MAPK9: variants seen among roughly 807,000 people sequenced by gnomAD.
The protein encoded by MAPK9 is Jun kinase.
A neutral mutation model predicts 57.1 loss-of-function variants in MAPK9; 30 were observed. The ratio of observed to expected loss-of-function variants is 0.53; its 90% CI spans 0.39 to 0.71. The LOEUF is 0.71. MAPK9 is among the 30% of genes least tolerant of loss of function. The pLI is 0.00. For synonymous variants in MAPK9, 155 were observed against 177.0 expected, an observed-to-expected ratio of 0.88 and a Z score of 0.99; for missense variants, 362 against 521.0, an observed-to-expected ratio of 0.69 and a Z score of 2.97.
At chr5:180,265,019 A>C (rs572996727) in intron 3 of MAPK9, among the ~76,000 whole-genome samples, 180 bp from the exon 4 acceptor site, 1 of 152,364 alleles carries the variant, frequency 6.6e-6, no homozygotes, top group South Asian at 2.1e-4. Flanking sequence ...ATTAAAGGAA[A>C]GATGCACTTT....
intron 2 of MAPK9, among the ~76,000 whole-genome samples, chr5:180,278,957 CTTTT>C (rs751873959): frequency 7.2e-6 from 1 of 139,854 alleles, no homozygotes. Context: ...AACTTTAAAA[CTTTT>C]TTTTTTTTTT....
chr5:180,266,475 C>A (rs1453287809), intron 3 of MAPK9, among the ~76,000 whole-genome samples: 1 of 151,970 alleles, frequency 6.6e-6, no homozygotes, highest in African/African-American at 2.4e-5. Flanking sequence ...CCACTACGCC[C>A]AGCTAATTTT....
intron 11 of MAPK9, chr5:180,237,598 AG>A (rs765553203): frequency 2.0e-5 from 3 of 152,246 alleles, no homozygotes; most frequent in Non-Finnish European, 4.4e-5. Flanking sequence ...ACCAGTACAA[AG>A]GGTTATCAAC....
At chr5:180,248,683 C>T (rs908820012) in intron 6 of MAPK9, among the ~76,000 whole-genome samples, 2 of 152,188 alleles carry the variant, frequency 1.3e-5, no homozygotes, top group Non-Finnish European at 2.9e-5. Context: ...TGGGTGTGCT[C>T]ACCTCAGCTG....
intron 5 of MAPK9, among the ~76,000 whole-genome samples, chr5:180,251,161 G>A (rs937644448): frequency 2.0e-5 from 3 of 152,096 alleles, no homozygotes; most frequent in East Asian, 1.9e-4. Flanking sequence ...AGAAACAGGC[G>A]CTTCCTCAGG....
At chr5:180,289,704 T>A (rs1763064762) in intron 1 of MAPK9, among the ~76,000 whole-genome samples, 2 of 152,018 alleles carry the variant, frequency 1.3e-5, no homozygotes, top group South Asian at 4.2e-4. Flanking sequence ...CCTTTCCTGC[T>A]CTCCTCACAG....
At chr5:180,286,336 G>C (rs1346718918) in intron 1 of MAPK9, among the ~76,000 whole-genome samples, 2 of 150,112 alleles carry the variant, frequency 1.3e-5, no homozygotes, top group Non-Finnish European at 3.0e-5. Context: ...AGTAGAGATG[G>C]GGTTTCACTG....
intron 2 of MAPK9, chr5:180,279,717 T>G: frequency 1.3e-5 from 5 of 378,568 alleles, no homozygotes; most frequent in African/African-American, 2.1e-5. Context: ...AAAAAAAAAG[T>G]TCTGCCCAGA....
Position 180,262,809 on chromosome 5 carries a change from C to T in MAPK9, c.312-987G>A, listed in dbSNP as rs377217647. 4.6e-5 allele frequency: 7 copies of T among 152,440 alleles called. No individual in the cohort carries two copies. The South Asian group carries it at 1.0e-3, about 23-fold the overall frequency. 9.4% of individuals were successfully genotyped at this position (152,440 alleles called of 1,614,324 possible). ...ACCATTCTGCTGAAACTGTCCTCCT[C>T]GAGGCCACTGATGTCTTCCATGCTG... is the stretch of plus-strand genomic sequence containing the variant. On this transcript the variant is annotated intron_variant, in intron 4 of 11. Transcript: ENST00000452135.
At chr5:180,273,985 T>TA (rs397788975) in intron 2 of MAPK9, among the ~76,000 whole-genome samples, 1 of 152,128 alleles carries the variant, frequency 6.6e-6, no homozygotes, top group Non-Finnish European at 1.5e-5. Context: ...GTTCATTTCT[T>TA]TGTTTTTTAA....
At chr5:180,280,370 C>G in intron 2 of MAPK9, 70 bp downstream of exon 2, 1 of 1,557,246 alleles carries the variant, frequency 6.4e-7, no homozygotes, top group Middle Eastern at 1.7e-4. Flanking sequence ...TTTCTAAATC[C>G]TGACACTTTA....
intron 9 of MAPK9, among the ~76,000 whole-genome samples, chr5:180,240,505 C>G (rs1757555379): frequency 6.6e-6 from 1 of 152,238 alleles, no homozygotes; most frequent in African/African-American, 2.4e-5. Flanking sequence ...ATGTATTTCA[C>G]TCATGGCATG....
chr5:180,240,063 T>C (rs1757522383), intron 9 of MAPK9, 76 bp from the exon 10 acceptor site: 2 of 1,078,026 alleles, frequency 1.9e-6, no homozygotes, highest in Non-Finnish European at 2.8e-6. Flanking sequence ...GTAAAATTGC[T>C]TGGAAGACTT....
intron 7 of MAPK9, chr5:180,246,010 G>A (rs2127580017): frequency 6.6e-6 from 1 of 152,252 alleles, no homozygotes; most frequent in South Asian, 2.1e-4. Flanking sequence ...ATTAATTACT[G>A]ACATTAATGT....
At chr5:180,265,236 GA>G (rs1561819061) in intron 3 of MAPK9, among the ~76,000 whole-genome samples, 2 of 152,180 alleles carry the variant, frequency 1.3e-5, no homozygotes, top group African/African-American at 4.8e-5. Context: ...GTGATAAAGT[GA>G]AAGGCCTCGT....
In MAPK9 at chr5:180,280,557, C is replaced by T; in HGVS notation, c.5G>A (p.Ser2Asn). ...AAACTGACTGTCACATTTACTGTCG[C>T]TCATGATGCAGCGTCCTGCAATATC... is the stretch of plus-strand genomic sequence containing the variant. M[S>N]DSKCDSQFYS... The change falls in exon 2 of 12, where the codon AGC becomes AAC. Residue 2 changes from serine to asparagine, a missense_variant. Coordinates refer to ENST00000452135, the MANE Select transcript of MAPK9 (RefSeq NM_002752.5). 1.2e-6 allele frequency: 2 copies of T among 1,613,864 alleles called. No individual in the cohort carries two copies. The highest frequency in any genetic ancestry group is 1.7e-6 in the Non-Finnish European group (2 of 1,179,900).
chr5:180,244,778 G>GA (rs77077681), intron 7 of MAPK9, among the ~76,000 whole-genome samples: 119 of 127,380 alleles, frequency 9.3e-4, no homozygotes, highest in East Asian at 1.8e-3. Context: ...TGTCTCAAAG[G>GA]AAAAAAAAAA....
intron 5 of MAPK9, among the ~76,000 whole-genome samples, chr5:180,261,278 G>T (rs1339010738): frequency 1.3e-5 from 2 of 152,130 alleles, no homozygotes; most frequent in Non-Finnish European, 2.9e-5. Flanking sequence ...CTGACTACTT[G>T]GCCTTTAAGT....
Position 180,291,953 on chromosome 5 carries a change from G to T in MAPK9, c.-153C>A. ...GCGGCCCCGGCTCCGCCGCCGGCCC[G>T]CCCCGCTCCGCTCCGCCCCGCCGCC... On this transcript the variant is annotated 5_prime_UTR_variant, in exon 1 of 12. Transcript: ENST00000452135. The T allele has an allele frequency of 6.9e-6, 1 of 144,256 alleles. No homozygotes were observed. The highest frequency in any genetic ancestry group is 1.4e-5 in the Non-Finnish European group (1 of 69,434). The allele number at this position is 144,256 out of a possible 1,614,324, so 8.9% of individuals were successfully genotyped here.
Sources: gnomAD v4.1 joint callset for allele counts (sites outside exome capture counted in the v4.1 genomes callset) on GRCh38, gnomAD v4.1.1 for gene constraint, MANE v1.5 for transcripts, NCBI Gene and HGNC (gene_info 2026-07-23, HGNC 2026-07-21) for gene names.